Variants in NGFR observed in about 807,000 individuals in gnomAD.
NGFR encodes tumor necrosis factor receptor superfamily member 16.
NGFR carries 30 observed loss-of-function variants against 43.2 expected under a neutral mutation model. That is an observed-to-expected ratio of 0.69 (90% CI 0.52 to 0.94). NGFR has a LOEUF of 0.94. Among genes scored for constraint, NGFR ranks in the 40% least tolerant of loss-of-function variants. NGFR has a pLI of 0.00. For synonymous variants in NGFR, 246 were observed against 259.6 expected (o/e 0.95, Z 0.50); for missense variants, 529 against 602.5 (o/e 0.88, Z 1.28).
At position 49,512,603 on chromosome 17, in the gene NGFR, T is replaced by G; in HGVS notation, c.983-105T>G. On this transcript the variant is annotated intron_variant, in intron 5 of 5. Coordinates refer to ENST00000172229, the MANE Select transcript of NGFR (RefSeq NM_002507.4). The surrounding 1 kb of genome is among the most constrained non-coding windows in gnomAD (Gnocchi z 5.2). ...CTTGTCTTGGCCCCAGGCCTCCAGA[T>G]GGGGAGGAGCACTGCCTCGGCCCTT... 1 of 1,395,050 alleles carries G rather than the reference T, an allele frequency of 7.2e-7. No homozygotes were observed. Among genetic ancestry groups the G allele is most frequent in the Non-Finnish European group, 9.7e-7 (1 of 1,030,482 alleles). 86.4% of individuals were successfully genotyped at this position (1,395,050 alleles called of 1,614,324 possible).
chr17:49,495,569 C>A lies in NGFR; in HGVS notation c.66+86C>A. 1 of 1,093,772 alleles carries A rather than the reference C, an allele frequency of 9.1e-7. No homozygotes were observed. Among genetic ancestry groups the A allele is most frequent in the Non-Finnish European group, 1.2e-6 (1 of 859,488 alleles). The allele number at this position is 1,093,772 out of a possible 1,614,324, so 67.8% of individuals were successfully genotyped here. A position where few individuals can be genotyped will look rare whatever the true frequency, so the allele number is the denominator to read the frequency against. On this transcript the variant is annotated intron_variant, in intron 1 of 5. Transcript: ENST00000172229. The surrounding 1 kb of genome is among the most constrained non-coding windows in gnomAD (Gnocchi z 6.4). Reference sequence around the variant, plus strand: ...GGGCGCCGCCACCAAGGAAACAGAACAGAGCATTGGGGTCCCAGATACTGA... The same window carrying A: ...GGGCGCCGCCACCAAGGAAACAGAAAAGAGCATTGGGGTCCCAGATACTGA...
rs549937027 is a variant in NGFR at position 49,501,944 on chromosome 17, G to C, written c.67-119G>C. The C allele has an allele frequency of 2.0e-5, 21 of 1,049,784 alleles. No homozygotes were observed. The East Asian group carries it at 4.9e-4, about 24-fold the overall frequency. The allele number at this position is 1,049,784 out of a possible 1,614,324, so 65.0% of individuals were successfully genotyped here. A position where few individuals can be genotyped will look rare whatever the true frequency, so the allele number is the denominator to read the frequency against. ...ACGCCTCCCTGGTGAGCTCATCCCA[G>C]CCCAGGTGGTTCTAATAGAAGGCAG... is the stretch of plus-strand genomic sequence containing the variant. On this transcript the variant is annotated intron_variant, in intron 1 of 5. Transcript: ENST00000172229.
intron 3 of NGFR, among the ~76,000 whole-genome samples, chr17:49,507,064 G>C (rs1236554947): frequency 3.3e-5 from 5 of 152,184 alleles, no homozygotes; most frequent in Non-Finnish European, 7.3e-5. Context: ...TGATCCATGA[G>C]GCAGGCTTTC....
At chr17:49,508,849 C>T (rs894207454) in intron 3 of NGFR, among the ~76,000 whole-genome samples, 3 of 152,144 alleles carry the variant, frequency 2.0e-5, no homozygotes, top group Non-Finnish European at 2.9e-5. Flanking sequence ...CCCAGCCTTC[C>T]CCTACCATGC....
At chr17:49,507,421 G>A (rs1225653737) in intron 3 of NGFR, among the ~76,000 whole-genome samples, 1 of 152,168 alleles carries the variant, frequency 6.6e-6, no homozygotes, top group Non-Finnish European at 1.5e-5. Context: ...GGGCAGACCT[G>A]GGGCTCAAAA....
intron 3 of NGFR, 21 bp downstream of exon 3, chr17:49,506,679 GGGGGGAGTGGGGGTGC>G: frequency 8.5e-7 from 1 of 1,170,904 alleles, no homozygotes. Context: ...TTCGGGGGGC[GGGGGGAGTGGGGGTGC>G]GGGGGTGGGC....
chr17:49,504,928 C>T, intron 2 of NGFR, among the ~76,000 whole-genome samples: 1 of 152,066 alleles, frequency 6.6e-6, no homozygotes, highest in Non-Finnish European at 1.5e-5. Flanking sequence ...TGCACCACTA[C>T]ACCCAGCTAA....
At position 49,514,627 on chromosome 17, in the gene NGFR, C is replaced by T. The variant is rs1045612533; in HGVS notation, c.*1618C>T. 1.3e-5 allele frequency: 2 copies of T among 152,228 alleles called. No homozygotes were observed. The highest frequency in any genetic ancestry group is 2.4e-5 in the African/African-American group (1 of 41,450). The allele number at this position is 152,228 out of a possible 1,614,324, so 9.4% of individuals were successfully genotyped here. Reference sequence around the variant, plus strand: ...GGTTCCCCCAGCCCTGTGGAAGGGACTAGGAGCACTGTAGTAAATGGCAAT... The same window carrying T: ...GGTTCCCCCAGCCCTGTGGAAGGGATTAGGAGCACTGTAGTAAATGGCAAT... On this transcript the variant is annotated 3_prime_UTR_variant, in exon 6 of 6. Transcript: ENST00000172229.
At chr17:49,502,000 A>AGGGCC in intron 1 of NGFR, 63 bp from the exon 2 acceptor site, 31 of 264,878 alleles carry the variant, frequency 1.2e-4, no homozygotes, top group Non-Finnish European at 2.2e-4. Context: ...CCCCGGAAGA[A>AGGGCC]CCCCCCCCAA....
At position 49,513,162 on chromosome 17, in the gene NGFR, A is replaced by C; in HGVS notation, c.*153A>C. 1.0e-4 allele frequency: 76 copies of C among 744,848 alleles called. No homozygotes were observed. Among genetic ancestry groups the C allele is most frequent in the Non-Finnish European group, 1.5e-4 (69 of 475,220 alleles). 46.1% of individuals were successfully genotyped at this position (744,848 alleles called of 1,614,324 possible). A position where few individuals can be genotyped will look rare whatever the true frequency, so the allele number is the denominator to read the frequency against. ...ACCTCAGAGTCCAGGCCCCAAAACCACAGCCCTGTCAGTGCAGCCCGTGTG... is the reference window on the plus strand; with the variant it reads ...ACCTCAGAGTCCAGGCCCCAAAACCCCAGCCCTGTCAGTGCAGCCCGTGTG... On this transcript the variant is annotated 3_prime_UTR_variant, in exon 6 of 6. Transcript: ENST00000172229.
chr17:49,498,907 A>G (rs2071152943), intron 1 of NGFR, among the ~76,000 whole-genome samples: 1 of 152,166 alleles, frequency 6.6e-6, no homozygotes, highest in South Asian at 2.1e-4. Flanking sequence ...TCTCCTTAAG[A>G]TGAGATGCTT....
chr17:49,508,393 G>A (rs1354053954), intron 3 of NGFR, among the ~76,000 whole-genome samples: 1 of 152,202 alleles, frequency 6.6e-6, no homozygotes, highest in African/African-American at 2.4e-5. Flanking sequence ...CGAAGGAGGA[G>A]GGTGCTCCTG....
chr17:49,505,064 G>A (rs931095318), intron 2 of NGFR, among the ~76,000 whole-genome samples: 5 of 151,940 alleles, frequency 3.3e-5, no homozygotes, highest in African/African-American at 7.3e-5. Context: ...GAGCCACCAC[G>A]CCCAGCCTTT....
intron 2 of NGFR, among the ~76,000 whole-genome samples, chr17:49,504,763 TTC>T (rs1555564877): frequency 3.5e-4 from 42 of 118,932 alleles, no homozygotes; most frequent in Non-Finnish European, 4.6e-4. Context: ...TTTTCTTTCT[TTC>T]TTTCTTTTTT....
intron 1 of NGFR, chr17:49,496,813 C>T (rs2071141149): frequency 6.6e-6 from 1 of 152,234 alleles, no homozygotes; most frequent in South Asian, 2.1e-4. Context: ...GCGCGGTATC[C>T]CGGGCCACCG....
In NGFR at chr17:49,510,517, C is replaced by G. The variant is rs774561902; in HGVS notation, c.674C>G (p.Ala225Gly). 6.2e-6 allele frequency: 10 copies of G among 1,614,030 alleles called. No homozygotes were observed. The Admixed American group carries it at 8.3e-5, about 13-fold the overall frequency. Residue 225 changes from alanine (A) to glycine (G), a missense_variant, in exon 4 of 6, where the codon GCC becomes GGC. Coordinates refer to ENST00000172229, the MANE Select transcript of NGFR (RefSeq NM_002507.4). ...PEAPPEQDLI[A>G]STVAGVVTTV... ...GCACCTCCAGAACAAGACCTCATAG[C>G]CAGCACGGTGGCAGGTGTGGTGACC...
At position 49,506,186 on chromosome 17, in the gene NGFR, C is replaced by G. The variant is rs1476679355; in HGVS notation, c.209-113C>G. ...AAGAGGGTGGGAGCCGATGAGAAGG[C>G]TGAAGGAGGAAGTCAGCGTCCTGGC... On this transcript the variant is annotated intron_variant, in intron 2 of 5. Coordinates refer to ENST00000172229, the MANE Select transcript of NGFR (RefSeq NM_002507.4). The G allele has an allele frequency of 2.0e-6, 3 of 1,483,578 alleles. No homozygotes were observed. In the East Asian group the frequency reaches 7.0e-5, roughly 34 times the overall value. 91.9% of individuals were successfully genotyped at this position (1,483,578 alleles called of 1,614,324 possible). A position where few individuals can be genotyped will look rare whatever the true frequency, so the allele number is the denominator to read the frequency against.
chr17:49,502,009 A>AACCCCCCCCC, intron 1 of NGFR, 54 bp from the exon 2 acceptor site: 1 of 165,870 alleles, frequency 6.0e-6, no homozygotes, highest in South Asian at 6.8e-5. Flanking sequence ...AACCCCCCCC[A>AACCCCCCCCC]ACCCACCCCA....
At chr17:49,503,215 C>T (rs61380721) in intron 2 of NGFR, among the ~76,000 whole-genome samples, 2,827 of 152,272 alleles carry the variant, frequency 0.019, 75 homozygotes, top group African/African-American at 0.064. Context: ...CCACCGTGCT[C>T]GACCCTGCCT....
Sources: gnomAD v4.1 joint callset for allele counts (sites outside exome capture counted in the v4.1 genomes callset) on GRCh38, gnomAD v4.1.1 for gene constraint, Gnocchi (gnomAD v3.1) non-coding constraint, MANE v1.5 for transcripts, NCBI Gene and HGNC (gene_info 2026-07-23, HGNC 2026-07-21) for gene names.